ITSN2: variants seen among roughly 807,000 people sequenced by gnomAD.
ITSN2 encodes the protein intersectin 2.
ITSN2 carries 156 observed loss-of-function variants against 243.7 expected under a neutral mutation model. The ratio of observed to expected loss-of-function variants is 0.64; its 90% CI spans 0.56 to 0.73. The LOEUF is 0.73. Ranked by LOEUF, ITSN2 falls within the 30% of genes least tolerant of loss-of-function variation. ITSN2 has a pLI of 0.00. For missense variants in ITSN2, 1,801 were observed against 1,996.1 expected (o/e 0.90, Z 1.86); for synonymous variants, 703 against 699.9 (o/e 1.00, Z -0.07).
chr2:24,270,642 C>A, intron 20 of ITSN2, 29 bp downstream of exon 20: 1 of 1,074,918 alleles, frequency 9.3e-7, no homozygotes, highest in South Asian at 1.3e-5. Flanking sequence ...TTAGGTTATT[C>A]ATGATTAAAA....
intron 1 of ITSN2, among the ~76,000 whole-genome samples, chr2:24,356,915 A>G (rs74815877): frequency 6.6e-6 from 1 of 152,138 alleles, no homozygotes; most frequent in Non-Finnish European, 1.5e-5. Context: ...AAAAAAAAAA[A>G]ACACAATGAG....
intron 1 of ITSN2, among the ~76,000 whole-genome samples, chr2:24,334,248 G>A (rs1162993034): frequency 6.6e-6 from 1 of 152,128 alleles, no homozygotes; most frequent in East Asian, 1.9e-4. Context: ...TAGTAGAGAG[G>A]AGGTTTCGCC....
chr2:24,239,732 A>T (rs183910151), intron 29 of ITSN2: 1 of 152,238 alleles, frequency 6.6e-6, no homozygotes, highest in Admixed American at 6.5e-5. Context: ...AATGAGGAAG[A>T]GAACAAATAC....
rs199515900 is a variant in ITSN2, at chr2:24,208,255, G to A, written c.4660C>T (p.Arg1554Cys). The change falls in exon 37 of 40, where the codon CGT becomes TGT. Residue 1554 changes from arginine (R) to cysteine (C), a missense_variant. By Grantham distance (180) the Arg-to-Cys change is radical. Transcript: ENST00000355123. ...EQYIDTEKKK[R>C]EKAYQARSQK... ...CTGATACCTTGGTAAGCTTTCTCAC[G>A]CTTCTTCTTCTCGGTGTCGATGTAC... 3.5e-5 allele frequency: 56 copies of A among 1,612,430 alleles called. No homozygotes were observed. In the East Asian group the frequency reaches 6.5e-4, roughly 19 times the overall value.
chr2:24,288,889 C>T (rs1210361323), intron 15 of ITSN2, among the ~76,000 whole-genome samples: 16 of 152,164 alleles, frequency 1.1e-4, no homozygotes, highest in Non-Finnish European at 2.4e-4. Flanking sequence ...AATATATACA[C>T]TCCACAAATA....
intron 29 of ITSN2, among the ~76,000 whole-genome samples, chr2:24,245,416 T>C (rs1430567219): frequency 6.6e-6 from 1 of 152,118 alleles, no homozygotes; most frequent in Non-Finnish European, 1.5e-5. Flanking sequence ...GTTAGAAATG[T>C]AATGGCTTCT....
intron 8 of ITSN2, 130 bp downstream of exon 8, chr2:24,308,487 A>G (rs1390026789): frequency 1.9e-6 from 1 of 513,852 alleles, no homozygotes; most frequent in Non-Finnish European, 3.3e-6. Context: ...TATTTATCAA[A>G]TGCCTGCTAA....
Position 24,270,682 on chromosome 2 carries a change from C to G in ITSN2, c.2344G>C (p.Asp782His). ...NHDEMSFNSG[D>H]IIQVDEKTVG... ...AATTCATTTCCTACCTGAATTATATCTCCAGAATTAAAACTCATCTCATCA... is the reference window on the plus strand; with the variant it reads ...AATTCATTTCCTACCTGAATTATATGTCCAGAATTAAAACTCATCTCATCA... The change falls in exon 20 of 40, where the codon GAT (aspartate) becomes CAT (histidine). Residue 782 changes from aspartate to histidine, a missense_variant. Coordinates refer to ENST00000355123, the MANE Select transcript of ITSN2 (RefSeq NM_006277.3). The G allele has an allele frequency of 6.4e-6, 10 of 1,559,726 alleles. No homozygotes were observed. The highest frequency in any genetic ancestry group is 8.8e-6 in the Non-Finnish European group (10 of 1,135,122).
rs566765388 is a variant in ITSN2 at position 24,271,932 on chromosome 2, C to T, written c.2091G>A (p.Lys697=). The change falls in exon 19 of 40, where the codon AAG becomes AAA. Residue 697 remains lysine (K), a synonymous_variant. Coordinates refer to ENST00000355123, the MANE Select transcript of ITSN2 (RefSeq NM_006277.3). ...KLEDEAARKA[K]QGKENLWKEN... is the part of the protein sequence containing the mutation. ...CTTTCCATAAGTTTTCTTTTCCTTGCTTTGCTTTCCTTTACATAAAAGAAA... is the reference window on the plus strand; with the variant it reads ...CTTTCCATAAGTTTTCTTTTCCTTGTTTTGCTTTCCTTTACATAAAAGAAA... 1.7e-5 allele frequency: 24 copies of T among 1,435,304 alleles called. No individual in the cohort carries two copies. In the South Asian group the frequency reaches 2.6e-4, roughly 16 times the overall value. 88.9% of individuals were successfully genotyped at this position (1,435,304 alleles called of 1,614,324 possible).
intron 2 of ITSN2, among the ~76,000 whole-genome samples, chr2:24,326,221 T>C (rs1486581128): frequency 2.0e-5 from 3 of 152,222 alleles, no homozygotes; most frequent in African/African-American, 7.2e-5. Context: ...TATGCCTATA[T>C]AGCACTTCTA....
Position 24,247,332 on chromosome 2 carries a change from G to A in ITSN2, c.3289-439C>T, listed in dbSNP as rs548853805. Among the ~76,000 whole-genome samples the A allele has an allele frequency of 4.6e-5, 7 of 152,330 alleles. No individual in the cohort carries two copies. In the South Asian group the frequency reaches 1.5e-3, roughly 32 times the overall value. On this transcript the variant is annotated intron_variant, in intron 27 of 39. Coordinates refer to ENST00000355123, the MANE Select transcript of ITSN2 (RefSeq NM_006277.3). ...GTTAATACTGTTCATGACTCTGCCA[G>A]GAGAGGACAACTGGAAGCTCTGTTT...
At chr2:24,252,306 C>T in intron 25 of ITSN2, 39 bp downstream of exon 25, 3 of 1,407,602 alleles carry the variant, frequency 2.1e-6, no homozygotes, top group South Asian at 1.2e-5. Context: ...AAGTATAAAC[C>T]TGATTAACCA....
chr2:24,325,151 T>C (rs373297396), intron 2 of ITSN2, among the ~76,000 whole-genome samples: 7 of 152,116 alleles, frequency 4.6e-5, no homozygotes, highest in African/African-American at 1.7e-4. Context: ...GGCTCATGCC[T>C]GTAATCCAAG....
intron 17 of ITSN2, 112 bp downstream of exon 17, chr2:24,284,651 T>C: frequency 1.5e-6 from 1 of 687,364 alleles, no homozygotes; most frequent in South Asian, 1.7e-5. Flanking sequence ...GCTTATATTG[T>C]ATATGTTATT....
chr2:24,220,832 A>G, intron 30 of ITSN2, 113 bp downstream of exon 30: 1 of 1,465,340 alleles, frequency 6.8e-7, no homozygotes. Context: ...TTCACACATC[A>G]AAAGTGATGC....
At chr2:24,339,555 G>A (rs1019973983) in intron 1 of ITSN2, among the ~76,000 whole-genome samples, 2 of 152,028 alleles carry the variant, frequency 1.3e-5, no homozygotes, top group African/African-American at 4.8e-5. Context: ...GTTTCAAGGA[G>A]GTACAACAGA....
intron 1 of ITSN2, among the ~76,000 whole-genome samples, chr2:24,340,424 C>T (rs756485196): frequency 4.0e-5 from 6 of 150,128 alleles, no homozygotes; most frequent in Admixed American, 2.7e-4. Flanking sequence ...GAGGTTACAG[C>T]GAACTGAGAT....
Position 24,209,146 on chromosome 2 carries a change from G to A in ITSN2, c.4549C>T (p.His1517Tyr), listed in dbSNP as rs1558425385. The A allele has an allele frequency of 3.1e-6, 5 of 1,614,070 alleles. No individual in the cohort carries two copies. Among genetic ancestry groups the A allele is most frequent in the Non-Finnish European group, 4.2e-6 (5 of 1,179,972 alleles). The change falls in exon 36 of 40, where the codon CAC becomes TAC. Residue 1517 changes from histidine to tyrosine, a missense_variant. Physicochemically the swap from His to Tyr is moderately conservative, Grantham distance 83. Around this residue, in one of 5 missense-constraint regions of ITSN2, gnomAD observed 928 missense variants for 1,065.4 expected, o/e 0.87. Coordinates refer to ENST00000355123, the MANE Select transcript of ITSN2 (RefSeq NM_006277.3). Reference sequence around the variant, plus strand: ...CGGAGGGTGTAGACCCGATCAATGTGGGAAATGTGGAAGACAGGCTCATCG... The same window carrying A: ...CGGAGGGTGTAGACCCGATCAATGTAGGAAATGTGGAAGACAGGCTCATCG... ...SSDEPVFHIS[H>Y]IDRVYTLRTD... is the part of the protein sequence containing the mutation.
chr2:24,346,484 T>C (rs970969005), intron 1 of ITSN2, among the ~76,000 whole-genome samples: 2 of 152,146 alleles, frequency 1.3e-5, no homozygotes, highest in Non-Finnish European at 2.9e-5. Flanking sequence ...TAAGGAGACA[T>C]GACAGCTAAA....
Sources: allele counts gnomAD v4.1 joint callset (sites outside exome capture counted in the v4.1 genomes callset), GRCh38; gene constraint gnomAD v4.1.1; regional missense constraint gnomAD v4.1.1; transcripts MANE v1.5; gene names NCBI Gene and HGNC (gene_info 2026-07-23, HGNC 2026-07-21).